Variants in SH3GL2 observed in about 807,000 individuals in gnomAD.
SH3GL2 encodes SH3 domain containing GRB2 like 2, endophilin A1.
A neutral mutation model predicts 46.0 loss-of-function variants in SH3GL2; 24 were observed. The observed-to-expected ratio is 0.52, with a 90% CI of 0.38 to 0.73. SH3GL2 has a LOEUF of 0.73. SH3GL2 is among the 30% of genes least tolerant of loss of function. The pLI, the probability that SH3GL2 is intolerant of heterozygous loss-of-function variation, is 0.00. For missense variants in SH3GL2, 413 were observed against 424.2 expected (o/e 0.97, Z 0.23); for synonymous variants, 196 against 147.1 (o/e 1.33, Z -2.40).
intron 5 of SH3GL2, among the ~76,000 whole-genome samples, chr9:17,787,985 C>A (rs1824011280): frequency 6.6e-6 from 1 of 152,038 alleles, no homozygotes; most frequent in Admixed American, 6.6e-5. Flanking sequence ...TTAATATTTT[C>A]ATAATGGTTG....
chr9:17,720,415 G>A (rs1194186551), intron 1 of SH3GL2, among the ~76,000 whole-genome samples: 19 of 152,134 alleles, frequency 1.2e-4, no homozygotes, highest in Admixed American at 1.2e-3. Flanking sequence ...CTGCCTTGTG[G>A]TTGAGGAAGA....
chr9:17,666,301 T>G (rs1820339425), intron 1 of SH3GL2, among the ~76,000 whole-genome samples: 1 of 152,028 alleles, frequency 6.6e-6, no homozygotes, highest in South Asian at 2.1e-4. Flanking sequence ...TCACCAATGC[T>G]TGTTGATTTT....
chr9:17,745,799 G>A (rs1822665537), intron 1 of SH3GL2, among the ~76,000 whole-genome samples: 2 of 152,146 alleles, frequency 1.3e-5, no homozygotes, highest in South Asian at 4.1e-4. Context: ...CTGTGGGTTG[G>A]TCATGGTAGG....
At chr9:17,583,835 G>C (rs978210625) in intron 1 of SH3GL2, among the ~76,000 whole-genome samples, 4 of 152,148 alleles carry the variant, frequency 2.6e-5, no homozygotes, top group Non-Finnish European at 5.9e-5. Flanking sequence ...CTTTGCTCAG[G>C]AGACCATTAC....
At chr9:17,758,019 C>G (rs764891438) in intron 2 of SH3GL2, among the ~76,000 whole-genome samples, 1 of 152,126 alleles carries the variant, frequency 6.6e-6, no homozygotes, top group Non-Finnish European at 1.5e-5. Flanking sequence ...AATTAGTCAG[C>G]CTCCTACTGG....
intron 1 of SH3GL2, among the ~76,000 whole-genome samples, chr9:17,633,337 A>T (rs960407001): frequency 6.6e-6 from 1 of 152,178 alleles, no homozygotes; most frequent in Non-Finnish European, 1.5e-5. Context: ...CCATTGTGGG[A>T]GGATACTACT....
At chr9:17,677,151 T>C (rs1588228974) in intron 1 of SH3GL2, among the ~76,000 whole-genome samples, 1 of 150,496 alleles carries the variant, frequency 6.6e-6, no homozygotes, top group Admixed American at 6.6e-5. Flanking sequence ...TCTGACTTGG[T>C]CTCTGTGAAG....
At chr9:17,591,920 T>C (rs1818489452) in intron 1 of SH3GL2, among the ~76,000 whole-genome samples, 1 of 152,208 alleles carries the variant, frequency 6.6e-6, no homozygotes, top group African/African-American at 2.4e-5. Context: ...CATGACATTT[T>C]GTCAATCTGT....
At chr9:17,678,209 C>T (rs1391827122) in intron 1 of SH3GL2, among the ~76,000 whole-genome samples, 1 of 151,992 alleles carries the variant, frequency 6.6e-6, no homozygotes, top group African/African-American at 2.4e-5. Flanking sequence ...GGAATCGCCA[C>T]ACTGACTTCC....
intron 1 of SH3GL2, among the ~76,000 whole-genome samples, chr9:17,690,839 G>A (rs1414419050): frequency 2.6e-5 from 4 of 152,074 alleles, no homozygotes; most frequent in Admixed American, 6.6e-5. Context: ...CCTCTAGAAG[G>A]CCAGGGAATT....
chr9:17,668,404 C>G (rs191439582), intron 1 of SH3GL2, among the ~76,000 whole-genome samples: 185 of 152,260 alleles, frequency 1.2e-3, no homozygotes, highest in African/African-American at 3.8e-3. Context: ...TCTTGGCATC[C>G]TTGTCCGTCA....
At chr9:17,667,007 A>C (rs75454344) in intron 1 of SH3GL2, among the ~76,000 whole-genome samples, 4 of 152,134 alleles carry the variant, frequency 2.6e-5, no homozygotes, top group Non-Finnish European at 5.9e-5. Flanking sequence ...TTATGTGTTA[A>C]GTTGAAGAGT....
intron 1 of SH3GL2, among the ~76,000 whole-genome samples, chr9:17,680,360 G>C (rs1244939808): frequency 6.6e-6 from 1 of 152,094 alleles, no homozygotes; most frequent in Non-Finnish European, 1.5e-5. Context: ...AGTCTTGGGA[G>C]GGTGTATGTG....
chr9:17,628,411 G>GTGT (rs1819335737), intron 1 of SH3GL2, among the ~76,000 whole-genome samples: 2 of 143,772 alleles, frequency 1.4e-5, no homozygotes, highest in African/African-American at 5.4e-5. Flanking sequence ...CTATATCTTG[G>GTGT]GTGTGTGTGT....
At chr9:17,708,881 G>A (rs1006251599) in intron 1 of SH3GL2, among the ~76,000 whole-genome samples, 1 of 151,982 alleles carries the variant, frequency 6.6e-6, no homozygotes, top group South Asian at 2.1e-4. Flanking sequence ...TTACTGGAAT[G>A]AAACCACTGA....
At chr9:17,783,897 A>C (rs1208654736) in intron 3 of SH3GL2, among the ~76,000 whole-genome samples, 1 of 152,088 alleles carries the variant, frequency 6.6e-6, no homozygotes, top group Non-Finnish European at 1.5e-5. Flanking sequence ...ATATAATAGG[A>C]ATTTGAGTGC....
chr9:17,770,988 C>G (rs1368370370), intron 3 of SH3GL2, among the ~76,000 whole-genome samples: 2 of 152,224 alleles, frequency 1.3e-5, no homozygotes, highest in Non-Finnish European at 2.9e-5. Flanking sequence ...TCAATTTAGG[C>G]ATGCCCAGAC....
At chr9:17,786,729 C>A (rs1346912382) in intron 4 of SH3GL2, among the ~76,000 whole-genome samples, 3 of 152,110 alleles carry the variant, frequency 2.0e-5, no homozygotes, top group Non-Finnish European at 4.4e-5. Context: ...TTCCCACCCC[C>A]CCCACTATAA....
chr9:17,752,577 C>T (rs1822877852), intron 2 of SH3GL2, among the ~76,000 whole-genome samples: 1 of 152,032 alleles, frequency 6.6e-6, no homozygotes, highest in Non-Finnish European at 1.5e-5. Context: ...AGCTCACTAT[C>T]ACCTCAAACT....
Sources: allele counts gnomAD v4.1 joint callset (sites outside exome capture counted in the v4.1 genomes callset), GRCh38; gene constraint gnomAD v4.1.1; transcripts MANE v1.5; gene names NCBI Gene and HGNC (gene_info 2026-07-23, HGNC 2026-07-21).